PRDM2: variants seen among roughly 807,000 people sequenced by gnomAD.
The protein encoded by PRDM2 is PR domain zinc finger protein 2.
Under a neutral mutation model 130.0 loss-of-function variants are expected in PRDM2, and 30 were observed. That is an observed-to-expected ratio of 0.23 (90% CI 0.17 to 0.31). The LOEUF (loss-of-function observed/expected upper bound fraction) is 0.31. PRDM2 is among the 10% of genes least tolerant of loss of function. The probability of loss-of-function intolerance (pLI) is 1.00; values close to 1 mark genes in which losing one functional copy is unlikely to be tolerated. For missense variants in PRDM2, 2,011 were observed against 2,108.4 expected (o/e 0.95, Z 0.90); for synonymous variants, 871 against 782.4 (o/e 1.11, Z -1.89).
intron 1 of PRDM2, among the ~76,000 whole-genome samples, chr1:13,710,680 A>G (rs564720569): frequency 6.6e-6 from 1 of 152,340 alleles, no homozygotes; most frequent in African/African-American, 2.4e-5. Flanking sequence ...TAGGCGTGGA[A>G]ATGCAGAAAA....
At chr1:13,748,697 G>T (rs1643692768) in intron 5 of PRDM2, among the ~76,000 whole-genome samples, 1 of 152,210 alleles carries the variant, frequency 6.6e-6, no homozygotes, top group African/African-American at 2.4e-5. Flanking sequence ...GCTTAAGAAT[G>T]TGATGGTTTA....
At chr1:13,749,285 G>C in intron 5 of PRDM2, 76 bp from the exon 6 acceptor site, 1 of 1,250,058 alleles carries the variant, frequency 8.0e-7, no homozygotes. Flanking sequence ...TCCCGCCCGC[G>C]TCCCGGTGCG....
intron 5 of PRDM2, 81 bp from the exon 6 acceptor site, chr1:13,749,280 C>G: frequency 7.9e-7 from 1 of 1,259,754 alleles, no homozygotes; most frequent in African/African-American, 1.6e-5. Context: ...GCCGCTCCCG[C>G]CCGCGTCCCG....
In PRDM2 at chr1:13,732,844, A is replaced by G. The variant is rs766558408; in HGVS notation, c.193A>G (p.Lys65Glu). ...KFGPFVGDKK[K>E]RSQVKNNVYM... ...TGGGCCATTTGTTGGTGATAAGAAA[A>G]AAAGATCTCAGGTTAAGAATAATGT... The change falls in exon 4 of 10, where the codon AAA (lysine) becomes GAA (glutamate). Residue 65 changes from lysine (K) to glutamate (E), a missense_variant. Lys to Glu is a moderately conservative substitution (Grantham distance 56). Coordinates refer to ENST00000311066, the MANE Select transcript of PRDM2 (RefSeq NM_001393986.1). 6.2e-7 allele frequency: 1 copy of G among 1,608,540 alleles called. No individual in the cohort carries two copies. The highest frequency in any genetic ancestry group is 8.5e-7 in the Non-Finnish European group (1 of 1,177,420).
rs1353320158 is a variant in PRDM2, at chr1:13,781,350, T to C, written c.3555T>C (p.His1185=). Residue 1185 remains histidine (H), a synonymous_variant, in exon 8 of 10, where the codon CAT becomes CAC. Coordinates refer to ENST00000311066, the MANE Select transcript of PRDM2 (RefSeq NM_001393986.1). This position sits in a 1 kb window ranked among gnomAD's most constrained non-coding sequence, Gnocchi z 6.1. ...TGTCAGAACATCGCTTTTTGCTTCA[T>C]GGAGTTGGGAATATCTTTGTGTGTT... ...TDLSEHRFLL[H]GVGNIFVCSV... The C allele has an allele frequency of 1.4e-5, 23 of 1,614,198 alleles. No individual in the cohort carries two copies. Among genetic ancestry groups the C allele is most frequent in the Non-Finnish European group, 1.9e-5 (22 of 1,180,014 alleles).
chr1:13,740,501 T>A (rs1399061930), intron 4 of PRDM2, among the ~76,000 whole-genome samples: 2 of 152,212 alleles, frequency 1.3e-5, no homozygotes, highest in African/African-American at 4.8e-5. Context: ...GTGCACCTTC[T>A]AGCATGGTAC....
chr1:13,768,484 A>T (rs1182078943), intron 6 of PRDM2, among the ~76,000 whole-genome samples: 1 of 151,396 alleles, frequency 6.6e-6, no homozygotes, highest in Non-Finnish European at 1.5e-5. Context: ...GGTTCAAGTG[A>T]TTCTCCTGCC....
At chr1:13,709,130 T>C (rs941508848) in intron 1 of PRDM2, among the ~76,000 whole-genome samples, 1 of 152,168 alleles carries the variant, frequency 6.6e-6, no homozygotes, top group Non-Finnish European at 1.5e-5. Context: ...TGTTTTCATA[T>C]TGACATCTGA....
At chr1:13,716,051 A>T (rs973922933) in intron 2 of PRDM2, among the ~76,000 whole-genome samples, 1 of 152,164 alleles carries the variant, frequency 6.6e-6, no homozygotes, top group Admixed American at 6.5e-5. Flanking sequence ...AACCAACCCA[A>T]ATGTCCAACA....
intron 6 of PRDM2, among the ~76,000 whole-genome samples, chr1:13,764,826 A>C (rs1569927043): frequency 2.0e-5 from 3 of 152,316 alleles, no homozygotes; most frequent in African/African-American, 7.2e-5. Flanking sequence ...AGCTACCTAA[A>C]ACCAGAGAGG....
chr1:13,744,462 A>G (rs1392104714), intron 5 of PRDM2, among the ~76,000 whole-genome samples: 1 of 152,180 alleles, frequency 6.6e-6, no homozygotes, highest in Non-Finnish European at 1.5e-5. Flanking sequence ...ATTTTTCACA[A>G]GGTGGTATGG....
At chr1:13,753,417 GTTAAA>G (rs1342924799) in intron 6 of PRDM2, among the ~76,000 whole-genome samples, 1 of 152,172 alleles carries the variant, frequency 6.6e-6, no homozygotes, top group African/African-American at 2.4e-5. Flanking sequence ...CCACAGAACA[GTTAAA>G]TTATAATCAG....
At position 13,749,497 on chromosome 1, in the gene PRDM2, C is replaced by T. The variant is rs1322016499; in HGVS notation, c.511+10C>T. The T allele has an allele frequency of 1.5e-6, 2 of 1,357,210 alleles. No homozygotes were observed. The highest frequency in any genetic ancestry group is 1.6e-5 in the African/African-American group (1 of 64,138). 84.1% of individuals were successfully genotyped at this position (1,357,210 alleles called of 1,614,324 possible). On this transcript the variant is annotated intron_variant, in intron 6 of 9. Transcript: ENST00000311066. Reference sequence around the variant, plus strand: ...CCCAAGAGCCGGAAAGGTAGGAGCCCCCCGGCCCGCCCGCCCGGCCCCGGC... The same window carrying T: ...CCCAAGAGCCGGAAAGGTAGGAGCCTCCCGGCCCGCCCGCCCGGCCCCGGC...
chr1:13,786,797 T>C (rs1414070162), intron 8 of PRDM2: 1 of 1,284,774 alleles, frequency 7.8e-7, no homozygotes, highest in Non-Finnish European at 9.9e-7. Flanking sequence ...AACTGGCTCC[T>C]CGTCATGGGA....
chr1:13,734,480 T>C (rs566346274), intron 4 of PRDM2, among the ~76,000 whole-genome samples: 1 of 152,196 alleles, frequency 6.6e-6, no homozygotes, highest in African/African-American at 2.4e-5. Context: ...ACCTATTTTA[T>C]CCCATGTAAC....
intron 6 of PRDM2, among the ~76,000 whole-genome samples, chr1:13,760,792 G>T (rs557046640): frequency 1.3e-5 from 2 of 151,934 alleles, no homozygotes; most frequent in Non-Finnish European, 2.9e-5. Flanking sequence ...CCATTGTAAT[G>T]GTGGGCACCA....
intron 8 of PRDM2, among the ~76,000 whole-genome samples, chr1:13,814,128 T>C (rs1645219220): frequency 1.3e-5 from 2 of 152,176 alleles, no homozygotes; most frequent in South Asian, 2.1e-4. Context: ...CAGGAGTCCA[T>C]GTCTCCAGCA....
At chr1:13,814,421 G>A (rs1204081618) in intron 8 of PRDM2, among the ~76,000 whole-genome samples, 1 of 152,238 alleles carries the variant, frequency 6.6e-6, no homozygotes, top group Admixed American at 6.5e-5. Flanking sequence ...ACAACAGCAG[G>A]TCTCTTAGTC....
Position 13,715,577 on chromosome 1 carries a change from A to C in PRDM2, c.-29A>C, listed in dbSNP as rs763709336. ...TCAAAGAAGTTTCTTTGTTGTGTGT[A>C]TCTTTACAGAACACAACAGGAATTG... On this transcript the variant is annotated 5_prime_UTR_variant, in exon 2 of 10. Coordinates refer to ENST00000311066, the MANE Select transcript of PRDM2 (RefSeq NM_001393986.1). 2 of 1,563,058 alleles carry C rather than the reference A, an allele frequency of 1.3e-6. No homozygotes were observed. Among genetic ancestry groups the C allele is most frequent in the Admixed American group, 3.9e-5 (2 of 50,842 alleles).
Sources: allele counts gnomAD v4.1 joint callset (sites outside exome capture counted in the v4.1 genomes callset), GRCh38; gene constraint gnomAD v4.1.1; non-coding constraint Gnocchi (gnomAD v3.1); transcripts MANE v1.5; gene names NCBI Gene and HGNC (gene_info 2026-07-23, HGNC 2026-07-21).